Variants in NREP observed in about 807,000 individuals in gnomAD.
NREP encodes neuronal regeneration-related protein.
Under a neutral mutation model 8.6 loss-of-function variants are expected in NREP, and 5 were observed. That is an observed-to-expected ratio of 0.58 (90% CI 0.30 to 1.22). The LOEUF is 1.22. Among genes scored for constraint, NREP ranks in the 50% most tolerant of loss-of-function variants. The pLI is 0.07. For missense variants in NREP, 86 were observed against 82.5 expected, an observed-to-expected ratio of 1.04 and a Z score of -0.17; for synonymous variants, 27 against 28.0, an observed-to-expected ratio of 0.96 and a Z score of 0.11.
chr5:111,914,374 G>A (rs1754993090), intron 2 of NREP, among the ~76,000 whole-genome samples: 1 of 152,080 alleles, frequency 6.6e-6, no homozygotes, highest in Non-Finnish European at 1.5e-5. Flanking sequence ...TGCTTATACT[G>A]GTCCAAGCAA....
chr5:111,818,231 A>T (rs2112921519), intron 2 of NREP, among the ~76,000 whole-genome samples: 1 of 152,326 alleles, frequency 6.6e-6, no homozygotes, highest in South Asian at 2.1e-4. Context: ...CACATTATTC[A>T]ATCTAATAGT....
chr5:111,973,078 T>G (rs1481400205), intron 2 of NREP, among the ~76,000 whole-genome samples: 1 of 152,134 alleles, frequency 6.6e-6, no homozygotes, highest in Non-Finnish European at 1.5e-5. Flanking sequence ...TCCTGGGAAT[T>G]AAGTAGATGT....
intron 2 of NREP, among the ~76,000 whole-genome samples, chr5:111,968,840 G>A (rs967558578): frequency 8.5e-5 from 13 of 152,264 alleles, no homozygotes; most frequent in Non-Finnish European, 1.5e-4. Context: ...AAGTCCCCCT[G>A]TTGTCTACAA....
chr5:111,856,632 C>G (rs1753433902), intron 2 of NREP, among the ~76,000 whole-genome samples: 1 of 152,112 alleles, frequency 6.6e-6, no homozygotes, highest in African/African-American at 2.4e-5. Flanking sequence ...ATCCTTAGCT[C>G]AACTACCTGA....
At chr5:111,880,385 G>A (rs142172031) in intron 2 of NREP, among the ~76,000 whole-genome samples, 312 of 152,292 alleles carry the variant, frequency 2.0e-3, no homozygotes, top group African/African-American at 6.6e-3. Context: ...GTTTTCTCAT[G>A]ATTCAGGAGG....
Position 111,781,372 on chromosome 5 carries a change from G to C in NREP, c.136-45865C>G, listed in dbSNP as rs148953431. Among the ~76,000 whole-genome samples the C allele has an allele frequency of 2.4e-4, 37 of 152,234 alleles. No individual in the cohort carries two copies. The East Asian group carries it at 7.2e-3, about 29-fold the overall frequency. Reference sequence around the variant, plus strand: ...AGTCCATGCAACATGGAAAGGCCACGTGTTTGTATTCTGACCAGCAGCCCC... The same window carrying C: ...AGTCCATGCAACATGGAAAGGCCACCTGTTTGTATTCTGACCAGCAGCCCC... On this transcript the variant is annotated intron_variant, in intron 2 of 3. Coordinates refer to the NREP transcript ENST00000395634.
At chr5:111,924,578 T>G (rs1014961002) in intron 2 of NREP, among the ~76,000 whole-genome samples, 4 of 152,160 alleles carry the variant, frequency 2.6e-5, no homozygotes, top group Admixed American at 1.3e-4. Context: ...ATGGCCTCAA[T>G]GAGGCAGAGG....
chr5:111,880,006 A>T (rs1754010519), intron 2 of NREP, among the ~76,000 whole-genome samples: 2 of 152,194 alleles, frequency 1.3e-5, no homozygotes, highest in Admixed American at 1.3e-4. Flanking sequence ...AGATATAAAC[A>T]TTCAGTTTAT....
intron 2 of NREP, among the ~76,000 whole-genome samples, chr5:111,904,287 T>C (rs759944258): frequency 6.6e-6 from 1 of 152,160 alleles, no homozygotes; most frequent in Non-Finnish European, 1.5e-5. Context: ...AAATGTATAA[T>C]GTCACATATC....
intron 2 of NREP, among the ~76,000 whole-genome samples, chr5:111,919,098 A>G (rs1755150360): frequency 7.2e-6 from 1 of 139,732 alleles, no homozygotes; most frequent in South Asian, 2.2e-4. Context: ...TCTCAAAAGA[A>G]GACATTTATG....
intron 2 of NREP, among the ~76,000 whole-genome samples, chr5:111,887,558 T>G (rs560362277): frequency 6.6e-6 from 1 of 152,286 alleles, no homozygotes; most frequent in African/African-American, 2.4e-5. Flanking sequence ...CCTTGCACAA[T>G]GCAGAGTAGC....
At chr5:111,774,255 A>T (rs555400755) in intron 2 of NREP, among the ~76,000 whole-genome samples, 4 of 118,534 alleles carry the variant, frequency 3.4e-5, no homozygotes, top group African/African-American at 1.5e-4. Flanking sequence ...GAGGGAGGGA[A>T]GGAGGGAGAG....
At chr5:111,806,508 AAG>A (rs1752143837) in intron 2 of NREP, among the ~76,000 whole-genome samples, 1 of 152,206 alleles carries the variant, frequency 6.6e-6, no homozygotes, top group Non-Finnish European at 1.5e-5. Context: ...AAGAATATGG[AAG>A]AGAAAAATGA....
chr5:111,829,012 C>A (rs755226211), intron 2 of NREP, among the ~76,000 whole-genome samples: 3 of 151,672 alleles, frequency 2.0e-5, no homozygotes, highest in Non-Finnish European at 4.4e-5. Context: ...TGAGCTGAAG[C>A]TAGTTGTTTT....
chr5:111,905,203 G>C (rs1010626302), intron 2 of NREP, among the ~76,000 whole-genome samples: 1 of 152,256 alleles, frequency 6.6e-6, no homozygotes, highest in Non-Finnish European at 1.5e-5. Flanking sequence ...GTGTACCATA[G>C]TTTGTTTTCC....
At chr5:111,962,922 T>C (rs1027893889) in intron 2 of NREP, among the ~76,000 whole-genome samples, 1 of 152,178 alleles carries the variant, frequency 6.6e-6, no homozygotes, top group Non-Finnish European at 1.5e-5. Flanking sequence ...CTAAATAAAA[T>C]TCTCTACCTT....
intron 2 of NREP, among the ~76,000 whole-genome samples, chr5:111,775,263 A>C (rs1751329042): frequency 6.6e-6 from 1 of 152,118 alleles, no homozygotes; most frequent in South Asian, 2.1e-4. Flanking sequence ...TTTCTATACC[A>C]ATCCTCATTT....
At chr5:111,962,747 TAG>T (rs1756514625) in intron 2 of NREP, among the ~76,000 whole-genome samples, 1 of 152,172 alleles carries the variant, frequency 6.6e-6, no homozygotes, top group African/African-American at 2.4e-5. Context: ...ACTCAGTCGG[TAG>T]AGAGAGAAAG....
intron 2 of NREP, chr5:111,738,544 C>T (rs73223653): frequency 6.6e-6 from 1 of 152,268 alleles, no homozygotes; most frequent in African/African-American, 2.4e-5. Flanking sequence ...TCTTACCAAC[C>T]TTTTTTGCAT....
Sources: gnomAD v4.1 joint callset for allele counts (sites outside exome capture counted in the v4.1 genomes callset) on GRCh38, gnomAD v4.1.1 for gene constraint, MANE v1.5 for transcripts, NCBI Gene and HGNC (gene_info 2026-07-23, HGNC 2026-07-21) for gene names.